The following CLOCK variants were observed in gnomAD, a reference collection of about 807,000 sequenced individuals.
CLOCK encodes circadian locomoter output cycles protein kaput.
In CLOCK, 43 loss-of-function variants were observed where a neutral mutation model predicts 118.4. The ratio of observed to expected loss-of-function variants is 0.36; its 90% CI spans 0.28 to 0.47. The LOEUF (loss-of-function observed/expected upper bound fraction) is 0.47. Ranked by LOEUF, CLOCK falls within the 20% of genes least tolerant of loss-of-function variation. The pLI is 1.00. For missense variants in CLOCK, 846 were observed against 999.9 expected, an observed-to-expected ratio of 0.85 and a Z score of 2.08; for synonymous variants, 326 against 339.2, an observed-to-expected ratio of 0.96 and a Z score of 0.43.
chr4:55,472,021 C>T (rs1279022261), intron 7 of CLOCK, among the ~76,000 whole-genome samples: 3 of 151,982 alleles, frequency 2.0e-5, no homozygotes, highest in African/African-American at 7.2e-5. Flanking sequence ...CAATGAGCCA[C>T]GACCATGTCA....
intron 2 of CLOCK, among the ~76,000 whole-genome samples, chr4:55,504,600 A>C (rs1728677796): frequency 6.6e-6 from 1 of 152,146 alleles, no homozygotes; most frequent in African/African-American, 2.4e-5. Flanking sequence ...GAACAAAATC[A>C]ATTTTTAATG....
intron 8 of CLOCK, among the ~76,000 whole-genome samples, chr4:55,469,594 G>A (rs1725989630): frequency 6.6e-6 from 1 of 152,134 alleles, no homozygotes; most frequent in African/African-American, 2.4e-5. Context: ...GCTAATGTGT[G>A]TATGTTTGTG....
rs1342670520 is a variant in CLOCK, at chr4:55,456,001, G to C, written c.878C>G (p.Ala293Gly). 13 of 1,602,842 alleles carry C rather than the reference G, an allele frequency of 8.1e-6. No homozygotes were observed. The highest frequency in any genetic ancestry group is 1.0e-5 in the Non-Finnish European group (12 of 1,171,410). ...TGGCAAATACCCTATTATGGGTGGT[G>C]CCCTAAATTACACAGAAAACAATCA... ...EWKFLFLDHRAPPIIGYLPFE... is the reference protein window; with the variant it reads ...EWKFLFLDHRGPPIIGYLPFE... Residue 293 changes from alanine (A) to glycine (G), a missense_variant and splice_region_variant, in exon 13 of 23, where the codon GCA becomes GGA. Coordinates refer to ENST00000513440, the MANE Select transcript of CLOCK (RefSeq NM_004898.4).
In CLOCK at chr4:55,529,259, A is replaced by C. The variant is rs559835956; in HGVS notation, c.-290+17523T>G. ...CTACAGCCTCGAACTCCTGAGCTCA[A>C]GTGATCTTCCTGCCTCAGCCTCCCA... On this transcript the variant is annotated intron_variant, in intron 1 of 22. Transcript: ENST00000513440. 7.9e-5 allele frequency among the ~76,000 whole-genome samples: 12 copies of C among 152,332 alleles called. 1 individual carries two copies. Among genetic ancestry groups the C allele is most frequent in the African/African-American group, 2.9e-4 (12 of 41,584 alleles).
chr4:55,490,874 A>C (rs991727471), intron 2 of CLOCK, among the ~76,000 whole-genome samples: 1 of 152,144 alleles, frequency 6.6e-6, no homozygotes, highest in Non-Finnish European at 1.5e-5. Flanking sequence ...ATTCCACCCA[A>C]CAACAGCAGA....
At chr4:55,510,393 G>A (rs1475332943) in intron 1 of CLOCK, among the ~76,000 whole-genome samples, 3 of 152,256 alleles carry the variant, frequency 2.0e-5, no homozygotes, top group South Asian at 2.1e-4. Flanking sequence ...TTGGGAGGCC[G>A]AGGCAGGCAG....
chr4:55,452,813 T>C (rs1014339069), intron 15 of CLOCK: 9 of 386,142 alleles, frequency 2.3e-5, no homozygotes, highest in Admixed American at 1.2e-4. Flanking sequence ...CAGAGACTAG[T>C]ACATCACTGG....
At chr4:55,449,555 TA>T in intron 16 of CLOCK, 59 bp from the exon 17 acceptor site, 2 of 1,383,994 alleles carry the variant, frequency 1.4e-6, no homozygotes, top group Non-Finnish European at 2.1e-6. Context: ...TTTTAAAGAT[TA>T]ATCTCAAAAT....
chr4:55,446,188 G>A (rs1246593232), intron 18 of CLOCK, among the ~76,000 whole-genome samples: 3 of 148,838 alleles, frequency 2.0e-5, no homozygotes, highest in African/African-American at 5.0e-5. Context: ...CAACCACCCA[G>A]GCTCAAGCAA....
chr4:55,456,342 T>A, intron 11 of CLOCK, 42 bp from the exon 12 acceptor site: 1 of 1,272,842 alleles, frequency 7.9e-7, no homozygotes, highest in Non-Finnish European at 1.1e-6. Context: ...TTTGTGTCCT[T>A]AAGAATATTA....
At chr4:55,523,103 G>T (rs111467303) in intron 1 of CLOCK, among the ~76,000 whole-genome samples, 1 of 151,790 alleles carries the variant, frequency 6.6e-6, no homozygotes, top group East Asian at 1.9e-4. Flanking sequence ...AGACCATCCT[G>T]GCTAACACGG....
intron 2 of CLOCK, among the ~76,000 whole-genome samples, chr4:55,490,839 T>A (rs542475130): frequency 1.3e-5 from 2 of 152,260 alleles, no homozygotes; most frequent in African/African-American, 4.8e-5. Flanking sequence ...ATAGACCAAA[T>A]GGACCTAACA....
At chr4:55,506,217 T>C (rs1728787113) in intron 2 of CLOCK, among the ~76,000 whole-genome samples, 1 of 152,188 alleles carries the variant, frequency 6.6e-6, no homozygotes, top group Non-Finnish European at 1.5e-5. Flanking sequence ...TAAATATCTT[T>C]TGTTTTGTTT....
At chr4:55,451,775 C>T (rs1336795967) in intron 15 of CLOCK, among the ~76,000 whole-genome samples, 1 of 152,170 alleles carries the variant, frequency 6.6e-6, no homozygotes, top group Non-Finnish European at 1.5e-5. Flanking sequence ...ATGTCTTCTA[C>T]CAAAACATAC....
intron 2 of CLOCK, among the ~76,000 whole-genome samples, chr4:55,500,911 G>C (rs530884522): frequency 6.6e-6 from 1 of 152,148 alleles, no homozygotes; most frequent in South Asian, 2.1e-4. Flanking sequence ...GAGTGCAGTG[G>C]CACAATCTCA....
chr4:55,473,828 G>A (rs1208543794), intron 7 of CLOCK, among the ~76,000 whole-genome samples: 1 of 152,074 alleles, frequency 6.6e-6, no homozygotes, highest in Non-Finnish European at 1.5e-5. Flanking sequence ...CTGTAATGGT[G>A]ATTCGCCCAC....
rs116584572 is a variant in CLOCK at position 55,505,760 on chromosome 4, T to C, written c.-136+4152A>G. On this transcript the variant is annotated intron_variant, in intron 2 of 22. Coordinates refer to ENST00000513440, the MANE Select transcript of CLOCK (RefSeq NM_004898.4). ...CTTAAACTTTATACTTGGAAATCAT[T>C]CAAACATGCAGAAAAGTTAAGAATA... Among the ~76,000 whole-genome samples the C allele has an allele frequency of 4.5e-3, 451 of 99,398 alleles. 16 individuals carry two copies. Among genetic ancestry groups the C allele is most frequent in the African/African-American group, 0.014 (438 of 31,826 alleles). 65.2% of individuals were successfully genotyped at this position (99,398 alleles called of 152,430 possible).
At chr4:55,508,447 T>C (rs1728943283) in intron 2 of CLOCK, among the ~76,000 whole-genome samples, 1 of 152,156 alleles carries the variant, frequency 6.6e-6, no homozygotes, top group Non-Finnish European at 1.5e-5. Context: ...TATAATTAAG[T>C]CACTGAGAAT....
chr4:55,450,464 C>T (rs753036109), intron 15 of CLOCK, among the ~76,000 whole-genome samples: 1 of 152,108 alleles, frequency 6.6e-6, no homozygotes, highest in Non-Finnish European at 1.5e-5. Context: ...ATCTCTTACA[C>T]CATATACAAA....
Sources: allele counts gnomAD v4.1 joint callset (sites outside exome capture counted in the v4.1 genomes callset), GRCh38; gene constraint gnomAD v4.1.1; transcripts MANE v1.5; gene names NCBI Gene and HGNC (gene_info 2026-07-23, HGNC 2026-07-21).